IFT80: variants seen among roughly 807,000 people sequenced by gnomAD.
IFT80 encodes the protein intraflagellar transport protein 80 homolog.
In IFT80, 79 loss-of-function variants were observed where a neutral mutation model predicts 107.9. That is an observed-to-expected ratio of 0.73 (90% confidence interval 0.61 to 0.88). The LOEUF is 0.88. Among genes scored for constraint, IFT80 ranks in the 40% least tolerant of loss-of-function variants. IFT80 has a pLI of 0.00. For synonymous variants in IFT80, 299 were observed against 300.9 expected (o/e 0.99, Z 0.07); for missense variants, 797 against 914.2 (o/e 0.87, Z 1.65).
chr3:160,308,446 G>C (rs1716985250), intron 9 of IFT80, among the ~76,000 whole-genome samples: 1 of 151,820 alleles, frequency 6.6e-6, no homozygotes, highest in Non-Finnish European at 1.5e-5. Flanking sequence ...TGGCAGTTTT[G>C]GAAAAAAATC....
At chr3:160,303,263 G>T (rs1346543689) in intron 11 of IFT80, among the ~76,000 whole-genome samples, 1 of 152,162 alleles carries the variant, frequency 6.6e-6, no homozygotes, top group Non-Finnish European at 1.5e-5. Flanking sequence ...CTCTGATTCA[G>T]TAGGCTATCA....
rs147497825 is a variant in IFT80, at chr3:160,356,136, G to A, written c.654C>T (p.Tyr218=). ...GTTGTGAATTGTACAGTGGGCGGCCGTAACTATCCCATACCTACAAAAGCA... is the reference window on the plus strand; with the variant it reads ...GTTGTGAATTGTACAGTGGGCGGCCATAACTATCCCATACCTACAAAAGCA... ...EDCKYKVWDS[Y]GRPLYNSQPH... is the part of the protein sequence containing the mutation. Residue 218 remains tyrosine, a synonymous_variant, in exon 8 of 20, where the codon TAC becomes TAT. Transcript: ENST00000326448. The A allele has an allele frequency of 1.2e-5, 19 of 1,613,902 alleles. No individual in the cohort carries two copies. Among genetic ancestry groups the A allele is most frequent in the Middle Eastern group, 1.6e-4 (1 of 6,062 alleles).
intron 9 of IFT80, among the ~76,000 whole-genome samples, chr3:160,312,933 A>AAT (rs370881844): frequency 0.014 from 350 of 25,462 alleles, 44 homozygotes; most frequent in African/African-American, 0.033. Context: ...ATAAATATAT[A>AAT]ATATATAATA....
chr3:160,284,319 C>T (rs1272085905), intron 13 of IFT80, among the ~76,000 whole-genome samples: 1 of 151,346 alleles, frequency 6.6e-6, no homozygotes, highest in African/African-American at 2.5e-5. Context: ...ATTGACTCTC[C>T]TTTCAATCCT....
chr3:160,286,914 A>G (rs957579140), intron 12 of IFT80, among the ~76,000 whole-genome samples: 2 of 151,938 alleles, frequency 1.3e-5, no homozygotes, highest in African/African-American at 4.8e-5. Context: ...GCTAGTGAGG[A>G]GACTCTTGGT....
At chr3:160,395,225 C>T (rs943235571) in intron 1 of IFT80, among the ~76,000 whole-genome samples, 4 of 152,152 alleles carry the variant, frequency 2.6e-5, no homozygotes, top group African/African-American at 9.7e-5. Context: ...TCTCACCTGG[C>T]TTATCTTCAT....
At chr3:160,344,531 G>T (rs765008871) in intron 8 of IFT80, among the ~76,000 whole-genome samples, 3 of 152,106 alleles carry the variant, frequency 2.0e-5, no homozygotes, top group Non-Finnish European at 4.4e-5. Flanking sequence ...GCTGGTCTGG[G>T]CAAAAATTTC....
intron 5 of IFT80, 44 bp from the exon 6 acceptor site, chr3:160,366,196 T>A: frequency 7.7e-7 from 1 of 1,302,822 alleles, no homozygotes; most frequent in Non-Finnish European, 1.1e-6. Context: ...TAAACTTTAA[T>A]TATTATGCCT....
chr3:160,276,470 G>A (rs1357276157), intron 18 of IFT80, among the ~76,000 whole-genome samples: 1 of 152,028 alleles, frequency 6.6e-6, no homozygotes, highest in Non-Finnish European at 1.5e-5. Context: ...TTCAGCCCAG[G>A]CAGAAACAAA....
At chr3:160,263,723 C>G (rs1713053479) in intron 19 of IFT80, among the ~76,000 whole-genome samples, 1 of 151,946 alleles carries the variant, frequency 6.6e-6, no homozygotes, top group African/African-American at 2.4e-5. Context: ...GTTGCCCATG[C>G]TGGAGTGCAG....
Position 160,383,089 on chromosome 3 carries a change from T to C in IFT80, c.38-1365A>G, listed in dbSNP as rs563601393. ...AAGAAAACTCACACAAACAAATATG[T>C]ACACATCTCAAACCAAAAATCATTA... is the stretch of plus-strand genomic sequence containing the variant. On this transcript the variant is annotated intron_variant, in intron 2 of 19. Coordinates refer to ENST00000326448, the MANE Select transcript of IFT80 (RefSeq NM_020800.3). Among the ~76,000 whole-genome samples, 18 of 152,298 alleles carry C rather than the reference T, an allele frequency of 1.2e-4. No homozygotes were observed. The South Asian group carries it at 3.5e-3, about 30-fold the overall frequency.
At chr3:160,297,771 A>G (rs1716099010) in intron 12 of IFT80, among the ~76,000 whole-genome samples, 1 of 152,144 alleles carries the variant, frequency 6.6e-6, no homozygotes, top group African/African-American at 2.4e-5. Context: ...TTTAAACAAT[A>G]GCAGCCTTCC....
rs141156185 is a variant in IFT80 at position 160,273,636 on chromosome 3, A to T, written c.2099+3670T>A. Among the ~76,000 whole-genome samples, 640 of 152,346 alleles carry T rather than the reference A, an allele frequency of 4.2e-3. 7 individuals are homozygous for T. The highest frequency in any genetic ancestry group is 0.015 in the African/African-American group (606 of 41,584). Reference sequence around the variant, plus strand: ...CAGGTTTATGAGGGAATAAACATAAATTTGAGCTAAAAAATGTGAGATATC... The same window carrying T: ...CAGGTTTATGAGGGAATAAACATAATTTTGAGCTAAAAAATGTGAGATATC... On this transcript the variant is annotated intron_variant, in intron 18 of 19. Transcript: ENST00000326448.
chr3:160,309,715 C>A (rs1321619124), intron 9 of IFT80, among the ~76,000 whole-genome samples: 1 of 151,052 alleles, frequency 6.6e-6, no homozygotes, highest in African/African-American at 2.4e-5. Flanking sequence ...TGCAGAACAG[C>A]GTGTATAGTA....
rs1210834952 is a variant in IFT80, at chr3:160,282,589, C to A, written c.1405G>T (p.Asp469Tyr). 1.3e-6 allele frequency: 2 copies of A among 1,588,320 alleles called. No homozygotes were observed. The highest frequency in any genetic ancestry group is 1.7e-6 in the Non-Finnish European group (2 of 1,159,834). ...CTATCATTGGTAAGTCCTTTTTGAT[C>A]CAGAGCAATTTCCAAGATTTCATTC... ...HKNEILEIAL[D>Y]QKGLTNDRKI... Residue 469 changes from aspartate to tyrosine, a missense_variant, in exon 14 of 20, where the codon GAT becomes TAT. Physicochemically the swap from Asp to Tyr is radical, Grantham distance 160. Transcript: ENST00000326448.
intron 9 of IFT80, among the ~76,000 whole-genome samples, chr3:160,309,376 G>T (rs1428095981): frequency 2.0e-5 from 3 of 152,132 alleles, no homozygotes; most frequent in Non-Finnish European, 1.5e-5. Context: ...AAGATCTATA[G>T]ATGTCCATGA....
chr3:160,268,778 T>C, intron 18 of IFT80: 1 of 470,614 alleles, frequency 2.1e-6, no homozygotes, highest in East Asian at 4.1e-5. Context: ...TTATCTTATC[T>C]ATGCTTCATA....
intron 5 of IFT80, among the ~76,000 whole-genome samples, chr3:160,371,163 T>C (rs1014224817): frequency 6.6e-6 from 1 of 152,172 alleles, no homozygotes; most frequent in African/African-American, 2.4e-5. Context: ...TAGCTCCCAC[T>C]CACCTGACTT....
In IFT80 at chr3:160,271,421, G is replaced by GGT. The variant is rs539695538; in HGVS notation, c.2100-2886_2100-2885insAC. On this transcript the variant is annotated intron_variant, in intron 18 of 19. Transcript: ENST00000326448. ...TGAAGCGAAATCACTTTGTATAACT[G>GGT]AGATCAGAAATTATTTTTATTAATA... Among the ~76,000 whole-genome samples, 20 of 152,252 alleles carry GGT rather than the reference G, an allele frequency of 1.3e-4. No individual in the cohort carries two copies. The South Asian group carries it at 3.5e-3, about 27-fold the overall frequency.
Sources: gnomAD v4.1 joint callset for allele counts (sites outside exome capture counted in the v4.1 genomes callset) on GRCh38, gnomAD v4.1.1 for gene constraint, MANE v1.5 for transcripts, NCBI Gene and HGNC (gene_info 2026-07-23, HGNC 2026-07-21) for gene names.